PTPRN2: variants seen among roughly 807,000 people sequenced by gnomAD.
The protein encoded by PTPRN2 is receptor-type tyrosine-protein phosphatase N2.
Under a neutral mutation model 118.8 loss-of-function variants are expected in PTPRN2, and 74 were observed. The ratio of observed to expected loss-of-function variants is 0.62; its 90% CI spans 0.52 to 0.76. PTPRN2 has a LOEUF of 0.76. Among genes scored for constraint, PTPRN2 ranks in the 30% least tolerant of loss-of-function variants. The pLI is 0.00. For missense variants in PTPRN2, 1,481 were observed against 1,394.4 expected, an observed-to-expected ratio of 1.06 and a Z score of -0.99; for synonymous variants, 641 against 608.0, an observed-to-expected ratio of 1.05 and a Z score of -0.80.
At chr7:157,755,566 C>A (rs1801732079) in intron 12 of PTPRN2, among the ~76,000 whole-genome samples, 1 of 152,142 alleles carries the variant, frequency 6.6e-6, no homozygotes, top group South Asian at 2.1e-4. Context: ...GAAATCATGT[C>A]TTTTGCAGCA....
chr7:157,823,076 T>TCATC, intron 12 of PTPRN2, among the ~76,000 whole-genome samples: 1 of 151,958 alleles, frequency 6.6e-6, no homozygotes, highest in South Asian at 2.1e-4. Flanking sequence ...CCACTATCCA[T>TCATC]CATCCATCCA....
At chr7:158,556,395 A>G (rs1442351971) in intron 1 of PTPRN2, among the ~76,000 whole-genome samples, 1 of 152,080 alleles carries the variant, frequency 6.6e-6, no homozygotes, top group Non-Finnish European at 1.5e-5. Flanking sequence ...CTCTACTAAA[A>G]ATACAAAAAT....
intron 3 of PTPRN2, among the ~76,000 whole-genome samples, chr7:158,217,180 A>T (rs1828012527): frequency 6.6e-6 from 1 of 152,072 alleles, no homozygotes; most frequent in South Asian, 2.1e-4. Flanking sequence ...GCAACCACCA[A>T]TGGGGCAGTT....
At chr7:157,699,844 C>T (rs915666506) in intron 12 of PTPRN2, among the ~76,000 whole-genome samples, 5 of 152,222 alleles carry the variant, frequency 3.3e-5, no homozygotes, top group South Asian at 2.1e-4. Flanking sequence ...AAGTGGCCAA[C>T]TGCATGGAGC....
intron 3 of PTPRN2, among the ~76,000 whole-genome samples, chr7:158,270,375 G>A (rs1195433134): frequency 1.3e-5 from 2 of 152,146 alleles, no homozygotes; most frequent in Non-Finnish European, 2.9e-5. Context: ...CTCGGGGTGA[G>A]GACGCCTCCT....
At chr7:157,790,514 C>T (rs1191357251) in intron 12 of PTPRN2, among the ~76,000 whole-genome samples, 1 of 152,012 alleles carries the variant, frequency 6.6e-6, no homozygotes, top group African/African-American at 2.4e-5. Context: ...TAGGAATGAA[C>T]GTGACAACAC....
chr7:158,071,028 G>A (rs1811382972), intron 11 of PTPRN2, among the ~76,000 whole-genome samples: 1 of 78,006 alleles, frequency 1.3e-5, no homozygotes, highest in Non-Finnish European at 2.4e-5. Context: ...CGTGGTGGAG[G>A]TGCTCTTAGT....
intron 5 of PTPRN2, among the ~76,000 whole-genome samples, chr7:158,178,240 TG>T (rs1446851956): frequency 6.6e-6 from 1 of 152,214 alleles, no homozygotes; most frequent in Non-Finnish European, 1.5e-5. Flanking sequence ...ACGCATGGTT[TG>T]GGTCACATGT....
At chr7:158,151,977 T>A (rs1821226328) in intron 6 of PTPRN2, among the ~76,000 whole-genome samples, 1 of 151,788 alleles carries the variant, frequency 6.6e-6, no homozygotes, top group South Asian at 2.1e-4. Context: ...ATCAAGACCA[T>A]CCTGGCTAAC....
At chr7:157,951,367 A>G (rs2128800939) in intron 11 of PTPRN2, among the ~76,000 whole-genome samples, 1 of 152,330 alleles carries the variant, frequency 6.6e-6, no homozygotes, top group East Asian at 1.9e-4. Flanking sequence ...AGAACAGCGA[A>G]GAGAACTGGA....
intron 1 of PTPRN2, among the ~76,000 whole-genome samples, chr7:158,528,539 C>A (rs999347308): frequency 6.6e-6 from 1 of 151,958 alleles, no homozygotes; most frequent in Non-Finnish European, 1.5e-5. Flanking sequence ...GTAATCCCAG[C>A]ACTTTGGGAG....
intron 12 of PTPRN2, among the ~76,000 whole-genome samples, chr7:157,832,734 G>C (rs1015244146): frequency 3.9e-5 from 6 of 152,220 alleles, no homozygotes; most frequent in African/African-American, 1.4e-4. Context: ...TGATTCAAAG[G>C]CTGAATGGAT....
intron 13 of PTPRN2, among the ~76,000 whole-genome samples, chr7:157,675,040 C>G (rs1273524710): frequency 6.6e-6 from 1 of 152,196 alleles, no homozygotes; most frequent in Non-Finnish European, 1.5e-5. Flanking sequence ...CTTGCTCACA[C>G]CCACTCCTAC....
rs1184159494 is a variant in PTPRN2, at chr7:158,054,380, C to A, written c.1723+26918G>T. Among the ~76,000 whole-genome samples the A allele has an allele frequency of 3.9e-5, 6 of 152,260 alleles. No individual in the cohort carries two copies. In the East Asian group the frequency reaches 1.2e-3, roughly 29 times the overall value. ...ACTCCTCAGGAAAGAAAGGCCACAC[C>A]CTTTCTGCAGACACTCAAAAAGACT... On this transcript the variant is annotated intron_variant, in intron 11 of 22. Transcript: ENST00000389418.
chr7:157,655,854 G>A (rs928573836), intron 14 of PTPRN2, among the ~76,000 whole-genome samples: 3 of 152,018 alleles, frequency 2.0e-5, no homozygotes, highest in South Asian at 2.1e-4. Context: ...AAGCCGCGTC[G>A]CCGTGAGCCT....
chr7:158,214,396 G>GTA (rs949556912), intron 3 of PTPRN2, among the ~76,000 whole-genome samples: 4 of 101,898 alleles, frequency 3.9e-5, no homozygotes, highest in African/African-American at 1.8e-4. Flanking sequence ...ACACCAGCGT[G>GTA]TACACACACA....
intron 12 of PTPRN2, among the ~76,000 whole-genome samples, chr7:157,805,492 T>C (rs1251876357): frequency 6.6e-6 from 1 of 152,158 alleles, no homozygotes; most frequent in Non-Finnish European, 1.5e-5. Flanking sequence ...GACATAAATT[T>C]TTAAAACATG....
chr7:158,407,312 G>C (rs1254379970), intron 2 of PTPRN2, among the ~76,000 whole-genome samples: 45 of 102,790 alleles, frequency 4.4e-4, no homozygotes, highest in African/African-American at 1.6e-3. Flanking sequence ...CTGGGTCCTG[G>C]GTCCTGGGTC....
At chr7:157,771,981 C>T (rs894214860) in intron 12 of PTPRN2, among the ~76,000 whole-genome samples, 65 of 151,314 alleles carry the variant, frequency 4.3e-4, no homozygotes, top group African/African-American at 1.5e-3. Context: ...CACATACACA[C>T]GGACACACAT....
Sources: gnomAD v4.1 joint callset for allele counts (sites outside exome capture counted in the v4.1 genomes callset) on GRCh38, gnomAD v4.1.1 for gene constraint, MANE v1.5 for transcripts, NCBI Gene and HGNC (gene_info 2026-07-23, HGNC 2026-07-21) for gene names.